The following SMTNL2 variants were observed in gnomAD, a reference collection of about 807,000 sequenced individuals.
The protein encoded by SMTNL2 is smoothelin like 2, also known as smoothelin-like protein 2.
SMTNL2 carries 43 observed loss-of-function variants against 44.1 expected under a neutral mutation model. The ratio of observed to expected loss-of-function variants is 0.98; its 90% CI spans 0.76 to 1.26. SMTNL2 has a LOEUF of 1.26. Ranked by LOEUF, SMTNL2 falls within the 50% of genes most tolerant of loss-of-function variation. The pLI, the probability that SMTNL2 is intolerant of heterozygous loss-of-function variation, is 0.00. For missense variants in SMTNL2, 646 were observed against 670.2 expected (o/e 0.96, Z 0.40); for synonymous variants, 317 against 287.6 (o/e 1.10, Z -1.03).
Position 4,604,534 on chromosome 17 carries a change from T to C in SMTNL2, c.1260-2827T>C, listed in dbSNP as rs147937586. On this transcript the variant is annotated intron_variant, in intron 7 of 7. Transcript: ENST00000389313. ...CTGAGTGCGTCGTGCCAAACTGGGA[T>C]GGGTCAGAGGAGTCTTGCTCGCTCG... Among the ~76,000 whole-genome samples, 952 of 152,232 alleles carry C rather than the reference T, an allele frequency of 6.3e-3. 11 individuals are homozygous for C. The highest frequency in any genetic ancestry group is 0.022 in the African/African-American group (905 of 41,524).
At chr17:4,587,802 G>A (rs529105623) in intron 1 of SMTNL2, among the ~76,000 whole-genome samples, 11 of 152,382 alleles carry the variant, frequency 7.2e-5, no homozygotes, top group African/African-American at 2.6e-4. Flanking sequence ...ATACAGGAAG[G>A]GTTGATCAAG....
chr17:4,584,286 G>A (rs926841937), upstream of SMTNL2, among the ~76,000 whole-genome samples: 6 of 152,172 alleles, frequency 3.9e-5, no homozygotes, highest in African/African-American at 1.2e-4. Flanking sequence ...GGTCCAGGGG[G>A]GCCAGGGCCT....
At chr17:4,591,330 C>T (rs750399739) in intron 1 of SMTNL2, among the ~76,000 whole-genome samples, 3 of 152,254 alleles carry the variant, frequency 2.0e-5, no homozygotes, top group Admixed American at 6.5e-5. Context: ...TCAAGCCGCT[C>T]GTCCTGGGCT....
At chr17:4,584,467 G>A, upstream of SMTNL2, 3 of 994,066 alleles carry the variant, frequency 3.0e-6, no homozygotes, top group Non-Finnish European at 2.6e-6. Context: ...CTCCGCCCCC[G>A]AGGCCCCGCC....
At chr17:4,599,232 T>C (rs1353323058) in intron 7 of SMTNL2, among the ~76,000 whole-genome samples, 1 of 152,178 alleles carries the variant, frequency 6.6e-6, no homozygotes, top group Non-Finnish European at 1.5e-5. Flanking sequence ...TTTAAAAGCC[T>C]TTCTGTCTTG....
chr17:4,607,959 A>G lies in SMTNL2; in HGVS notation c.*472A>G, dbSNP rs976936496. The G allele has an allele frequency of 2.6e-5, 4 of 152,628 alleles. No homozygotes were observed. Among genetic ancestry groups the G allele is most frequent in the African/African-American group, 9.7e-5 (4 of 41,420 alleles). 9.5% of individuals were successfully genotyped at this position (152,628 alleles called of 1,614,324 possible). A position where few individuals can be genotyped will look rare whatever the true frequency, so the allele number is the denominator to read the frequency against. ...TCCCTCTGGGCCACTGCCAGGAAAC[A>G]GAGAGACCGCTTAATCAGCAGCTTG... On this transcript the variant is annotated 3_prime_UTR_variant, in exon 8 of 8. Coordinates refer to ENST00000389313, the MANE Select transcript of SMTNL2 (RefSeq NM_001114974.2). This position sits in a 1 kb window ranked among gnomAD's most constrained non-coding sequence, Gnocchi z 4.7.
In SMTNL2 at chr17:4,595,498, A is replaced by G. The variant is rs1202112595; in HGVS notation, c.989+171A>G. On this transcript the variant is annotated intron_variant, in intron 5 of 7. Coordinates refer to ENST00000389313, the MANE Select transcript of SMTNL2 (RefSeq NM_001114974.2). The surrounding 1 kb of genome is among the most constrained non-coding windows in gnomAD (Gnocchi z 5.1). Reference sequence around the variant, plus strand: ...CAAAGTTAGGGCTGGGCCACAGGGCAGCTTGGGGGGACAGAGGACCCCAGT... The same window carrying G: ...CAAAGTTAGGGCTGGGCCACAGGGCGGCTTGGGGGGACAGAGGACCCCAGT... Among the ~76,000 whole-genome samples, 1 of 152,216 alleles carries G rather than the reference A, an allele frequency of 6.6e-6. No homozygotes were observed. The highest frequency in any genetic ancestry group is 2.4e-5 in the African/African-American group (1 of 41,458).
In SMTNL2 at chr17:4,603,455, C is replaced by T. The variant is rs75954692; in HGVS notation, c.1260-3906C>T. ...GTAAGAAATGTTAGAAGAACTTTCT[C>T]GTGGTCAGAGCATCTGCAGAGGGTT... is the stretch of plus-strand genomic sequence containing the variant. On this transcript the variant is annotated intron_variant, in intron 7 of 7. Coordinates refer to ENST00000389313, the MANE Select transcript of SMTNL2 (RefSeq NM_001114974.2). Among the ~76,000 whole-genome samples the T allele has an allele frequency of 1.6e-3, 245 of 152,290 alleles. 1 individual carries two copies. The highest frequency in any genetic ancestry group is 2.1e-3 in the Non-Finnish European group (144 of 68,026).
chr17:4,584,449 G>C (rs1170007248), upstream of SMTNL2: 2 of 804,844 alleles, frequency 2.5e-6, no homozygotes, highest in Admixed American at 9.1e-5. Flanking sequence ...TCCCGGAGTC[G>C]TCCCCGGCTC....
intron 1 of SMTNL2, among the ~76,000 whole-genome samples, chr17:4,587,083 C>T (rs1233534798): frequency 6.6e-6 from 1 of 152,146 alleles, no homozygotes; most frequent in African/African-American, 2.4e-5. Context: ...GTGAGGAGGA[C>T]CTGAGTGCAC....
chr17:4,593,252 C>T lies in SMTNL2; in HGVS notation c.730+81C>T, dbSNP rs984081793. The T allele has an allele frequency of 3.9e-5, 58 of 1,489,884 alleles. No individual in the cohort carries two copies. In the South Asian group the frequency reaches 5.1e-4, roughly 13 times the overall value. 92.3% of individuals were successfully genotyped at this position (1,489,884 alleles called of 1,614,324 possible). A position where few individuals can be genotyped will look rare whatever the true frequency, so the allele number is the denominator to read the frequency against. On this transcript the variant is annotated intron_variant, in intron 3 of 7. Transcript: ENST00000389313. ...AAGGCCGGGGCTGGGGAGAGGGAGTCGGTGGGTGACATGGAAAACGAGGGG... is the reference window on the plus strand; with the variant it reads ...AAGGCCGGGGCTGGGGAGAGGGAGTTGGTGGGTGACATGGAAAACGAGGGG...
chr17:4,590,817 G>T (rs1470824298), intron 1 of SMTNL2, among the ~76,000 whole-genome samples: 2 of 152,142 alleles, frequency 1.3e-5, no homozygotes, highest in East Asian at 1.9e-4. Context: ...TCTTCTGAAG[G>T]GTGTGCCTGA....
Position 4,607,757 on chromosome 17 carries a change from T to C in SMTNL2, c.*270T>C, listed in dbSNP as rs772627874. The C allele has an allele frequency of 2.1e-5, 8 of 372,610 alleles. No individual in the cohort carries two copies. Among genetic ancestry groups the C allele is most frequent in the Non-Finnish European group, 3.8e-5 (8 of 208,224 alleles). 23.1% of individuals were successfully genotyped at this position (372,610 alleles called of 1,614,324 possible). A position where few individuals can be genotyped will look rare whatever the true frequency, so the allele number is the denominator to read the frequency against. ...AGAGAGAGACATTGGTGCTAAGTAA[T>C]GATCTTCCTAAAGAAATGCTTGTGT... On this transcript the variant is annotated 3_prime_UTR_variant, in exon 8 of 8. Transcript: ENST00000389313. This position sits in a 1 kb window ranked among gnomAD's most constrained non-coding sequence, Gnocchi z 4.7.
chr17:4,594,275 G>A (rs894497792), intron 4 of SMTNL2, among the ~76,000 whole-genome samples: 6 of 151,864 alleles, frequency 4.0e-5, no homozygotes, highest in African/African-American at 1.2e-4. Context: ...ATGGCAAAAC[G>A]CTGTCTCCAC....
chr17:4,596,848 G>T lies in SMTNL2; in HGVS notation c.990-12G>T, dbSNP rs1273391024. ...GAGGGGCCCCCGCAGCAGGCCTGCC[G>T]TCTCTCCGCAGGGGGAAAGGCGAGG... On this transcript the variant is annotated splice_polypyrimidine_tract_variant and intron_variant, in intron 5 of 7. Transcript: ENST00000389313. 1 of 1,441,568 alleles carries T rather than the reference G, an allele frequency of 6.9e-7. No homozygotes were observed. Among genetic ancestry groups the T allele is most frequent in the Admixed American group, 2.7e-5 (1 of 37,690 alleles). 89.3% of individuals were successfully genotyped at this position (1,441,568 alleles called of 1,614,324 possible).
chr17:4,584,771 C>T lies in SMTNL2; in HGVS notation c.166C>T (p.Leu56=), dbSNP rs2150516797. 1.5e-6 allele frequency: 2 copies of T among 1,307,730 alleles called. No homozygotes were observed. Among genetic ancestry groups the T allele is most frequent in the South Asian group, 2.1e-5 (1 of 48,108 alleles). The allele number at this position is 1,307,730 out of a possible 1,614,324, so 81.0% of individuals were successfully genotyped here. The change falls in exon 1 of 8, where the codon CTG becomes TTG. Residue 56 remains leucine, a synonymous_variant. Coordinates refer to ENST00000389313, the MANE Select transcript of SMTNL2 (RefSeq NM_001114974.2). Reference sequence around the variant, plus strand: ...AGAGGCGATGCGCCTGGCCGGCCCCCTGGCGCGCACGGTGGCCGACCTGCA... The same window carrying T: ...AGAGGCGATGCGCCTGGCCGGCCCCTTGGCGCGCACGGTGGCCGACCTGCA... ...VAEAMRLAGP[L]ARTVADLQRD... is the part of the protein sequence containing the mutation.
At chr17:4,587,803 G>A (rs1053114840) in intron 1 of SMTNL2, among the ~76,000 whole-genome samples, 1 of 152,250 alleles carries the variant, frequency 6.6e-6, no homozygotes, top group Non-Finnish European at 1.5e-5. Flanking sequence ...TACAGGAAGG[G>A]TTGATCAAGT....
At chr17:4,589,239 C>T (rs2326067) in intron 1 of SMTNL2, among the ~76,000 whole-genome samples, 118,636 of 151,284 alleles carry the variant, frequency 0.78, 46,473 homozygotes, top group Admixed American at 0.81. Context: ...TGCGGAGGGC[C>T]TCCCACCCAC....
Position 4,593,135 on chromosome 17 carries a change from A to C in SMTNL2, c.694A>C (p.Ser232Arg). ...CCTGGGGGGCCTCAACCCAAGCCCC[A>C]GCGAGGTCATCACGCCCTGGACTCC... ...ATLGGLNPSP[S>R]EVITPWTPSP... Residue 232 changes from serine to arginine, a missense_variant, in exon 3 of 8, where the codon AGC (serine) becomes CGC (arginine). Coordinates refer to ENST00000389313, the MANE Select transcript of SMTNL2 (RefSeq NM_001114974.2). 1.9e-6 allele frequency: 3 copies of C among 1,611,122 alleles called. No individual in the cohort carries two copies. The highest frequency in any genetic ancestry group is 1.7e-6 in the Non-Finnish European group (2 of 1,177,942).
Sources: allele counts gnomAD v4.1 joint callset (sites outside exome capture counted in the v4.1 genomes callset), GRCh38; gene constraint gnomAD v4.1.1; non-coding constraint Gnocchi (gnomAD v3.1); transcripts MANE v1.5; gene names NCBI Gene and HGNC (gene_info 2026-07-23, HGNC 2026-07-21).